Variants in GRM7 observed in about 807,000 individuals in gnomAD.
GRM7 encodes the protein metabotropic glutamate receptor 7.
A neutral mutation model predicts 84.5 loss-of-function variants in GRM7; 35 were observed. The observed-to-expected ratio is 0.41, with a 90% CI of 0.32 to 0.55. The LOEUF is 0.55. Among genes scored for constraint, GRM7 ranks in the 20% least tolerant of loss-of-function variants. The pLI is 0.19. For synonymous variants in GRM7, 487 were observed against 455.1 expected (o/e 1.07, Z -0.89); for missense variants, 1,003 against 1,194.6 (o/e 0.84, Z 2.36).
At chr3:6,998,119 C>CAAAAAAAAAAACAAAAAAAAAAAAAAAAA (rs1694885575) in intron 1 of GRM7, among the ~76,000 whole-genome samples, 1 of 18,432 alleles carries the variant, frequency 5.4e-5, no homozygotes, top group Non-Finnish European at 9.6e-5. Context: ...ATCTCCATCT[C>CAAAAAAAAAAACAAAAAAAAAAAAAAAAA]AAAAAAAAAA....
chr3:7,440,874 A>G (rs1042997845), intron 5 of GRM7, among the ~76,000 whole-genome samples: 8 of 152,016 alleles, frequency 5.3e-5, no homozygotes, highest in Non-Finnish European at 7.4e-5. Context: ...TATGTACTAC[A>G]TTTTCTTTAT....
intron 1 of GRM7, among the ~76,000 whole-genome samples, chr3:6,897,146 G>A (rs965629182): frequency 6.6e-6 from 1 of 152,102 alleles, no homozygotes; most frequent in South Asian, 2.1e-4. Flanking sequence ...TTGAATTCCA[G>A]CTGGGAAATC....
At chr3:7,414,638 G>A (rs975134495) in intron 4 of GRM7, among the ~76,000 whole-genome samples, 3 of 152,092 alleles carry the variant, frequency 2.0e-5, no homozygotes, top group Non-Finnish European at 4.4e-5. Context: ...TGACTAGAAA[G>A]TCAATTACAT....
chr3:7,101,028 T>C (rs1699094030), intron 1 of GRM7, among the ~76,000 whole-genome samples: 2 of 151,794 alleles, frequency 1.3e-5, no homozygotes, highest in Admixed American at 1.3e-4. Flanking sequence ...TGGTTGACAG[T>C]TTTTGTTTAT....
intron 1 of GRM7, among the ~76,000 whole-genome samples, chr3:6,952,067 C>G (rs1215185886): frequency 6.6e-6 from 1 of 151,864 alleles, no homozygotes; most frequent in African/African-American, 2.4e-5. Flanking sequence ...TATCATCTTG[C>G]TATTTGTTTT....
intron 7 of GRM7, among the ~76,000 whole-genome samples, chr3:7,570,788 C>T (rs1455766218): frequency 6.6e-6 from 1 of 152,230 alleles, no homozygotes; most frequent in Non-Finnish European, 1.5e-5. Flanking sequence ...CCACATTTCC[C>T]TTCCGCACTG....
intron 5 of GRM7, among the ~76,000 whole-genome samples, chr3:7,429,111 G>A (rs1696728864): frequency 6.6e-6 from 1 of 152,118 alleles, no homozygotes; most frequent in Admixed American, 6.6e-5. Flanking sequence ...TAGCTATGAA[G>A]CCTGACACAA....
chr3:7,642,254 C>A (rs1231283199), intron 8 of GRM7, among the ~76,000 whole-genome samples: 1 of 151,908 alleles, frequency 6.6e-6, no homozygotes, highest in Non-Finnish European at 1.5e-5. Context: ...TTTTGAGTAC[C>A]AAATACTTAG....
At chr3:7,480,804 G>A (rs779343788) in intron 7 of GRM7, among the ~76,000 whole-genome samples, 5 of 152,130 alleles carry the variant, frequency 3.3e-5, no homozygotes, top group East Asian at 1.9e-4. Flanking sequence ...TACCACCACC[G>A]CTAACATTCT....
intron 1 of GRM7, among the ~76,000 whole-genome samples, chr3:7,142,661 A>G (rs1693985440): frequency 6.6e-6 from 1 of 152,168 alleles, no homozygotes; most frequent in African/African-American, 2.4e-5. Flanking sequence ...TAACCATATC[A>G]GTATCTGTGC....
intron 7 of GRM7, among the ~76,000 whole-genome samples, chr3:7,544,573 T>A (rs1693047485): frequency 6.6e-6 from 1 of 152,172 alleles, no homozygotes; most frequent in South Asian, 2.1e-4. Flanking sequence ...TCAAAGTTGC[T>A]GATATTCCAA....
chr3:7,326,219 C>T (rs1385218872), intron 4 of GRM7, among the ~76,000 whole-genome samples: 1 of 151,766 alleles, frequency 6.6e-6, no homozygotes, highest in Non-Finnish European at 1.5e-5. Flanking sequence ...AAACAACACC[C>T]TAATTGTGGT....
chr3:7,500,570 G>T (rs719613), intron 7 of GRM7, among the ~76,000 whole-genome samples: 59,664 of 152,114 alleles, frequency 0.39, 12,205 homozygotes, highest in East Asian at 0.68. Flanking sequence ...GGAACTTCAT[G>T]TGATATTGGA....
chr3:7,221,802 G>GTTT (rs1696810655), intron 2 of GRM7, among the ~76,000 whole-genome samples: 1 of 120,278 alleles, frequency 8.3e-6, no homozygotes, highest in Admixed American at 8.4e-5. Flanking sequence ...TTAATTTCTT[G>GTTT]TATTTTTTTT....
chr3:7,293,288 T>C (rs1699699698), intron 2 of GRM7, among the ~76,000 whole-genome samples: 1 of 152,154 alleles, frequency 6.6e-6, no homozygotes, highest in Admixed American at 6.5e-5. Flanking sequence ...ATTCTTCTTG[T>C]TGCTAAAGAT....
chr3:7,218,491 CAT>C (rs1202516113), intron 2 of GRM7, among the ~76,000 whole-genome samples: 1 of 151,618 alleles, frequency 6.6e-6, no homozygotes, highest in African/African-American at 2.4e-5. Context: ...GTAAATAATA[CAT>C]GTTTATTGTG....
rs114093494 is a variant in GRM7, at chr3:7,663,546, C to T, written c.2452-16503C>T. Among the ~76,000 whole-genome samples the T allele has an allele frequency of 4.2e-3, 643 of 152,278 alleles. 3 individuals carry two copies. Among genetic ancestry groups the T allele is most frequent in the African/African-American group, 0.014 (565 of 41,550 alleles). On this transcript the variant is annotated intron_variant, in intron 8 of 9. Transcript: ENST00000357716. ...TAACACACTGCTTCTGTGTTTCCTT[C>T]ATATATTGTTCATGCTTTTTATACA...
At chr3:7,680,004 CA>C (rs774140598) in intron 8 of GRM7, 44 bp from the exon 9 acceptor site, 1 of 1,595,446 alleles carries the variant, frequency 6.3e-7, no homozygotes, top group East Asian at 2.2e-5. Flanking sequence ...ACCCCTACTG[CA>C]GTCATTTTAT....
At chr3:7,124,461 G>A (rs1235674227) in intron 1 of GRM7, among the ~76,000 whole-genome samples, 1 of 152,130 alleles carries the variant, frequency 6.6e-6, no homozygotes, top group Non-Finnish European at 1.5e-5. Flanking sequence ...AACTGAGATC[G>A]CACCATTGCG....
Sources: allele counts gnomAD v4.1 joint callset (sites outside exome capture counted in the v4.1 genomes callset), GRCh38; gene constraint gnomAD v4.1.1; transcripts MANE v1.5; gene names NCBI Gene and HGNC (gene_info 2026-07-23, HGNC 2026-07-21).